CSMD1: variants seen among roughly 807,000 people sequenced by gnomAD.
CSMD1 encodes the protein CUB and Sushi multiple domains 1.
In CSMD1, 213 loss-of-function variants were observed where a neutral mutation model predicts 417.5. That is an observed-to-expected ratio of 0.51 (90% CI 0.46 to 0.57). The LOEUF is 0.57. Among genes scored for constraint, CSMD1 ranks in the 20% least tolerant of loss-of-function variants. The pLI is 0.00. For missense variants in CSMD1, 6,923 were observed against 4,529.7 expected (o/e 1.53, Z -15.17); for synonymous variants, 2,862 against 1,736.8 (o/e 1.65, Z -16.11).
At chr8:3,694,493 A>G (rs1426659616) in intron 7 of CSMD1, among the ~76,000 whole-genome samples, 3 of 152,114 alleles carry the variant, frequency 2.0e-5, no homozygotes, top group Admixed American at 2.0e-4. Context: ...CATCTGGGAA[A>G]GCATGTGCAT....
At chr8:3,181,045 T>C in intron 37 of CSMD1, 65 bp downstream of exon 37, 2 of 974,528 alleles carry the variant, frequency 2.1e-6, no homozygotes, top group East Asian at 2.5e-5. Context: ...GCATGATTTA[T>C]TTTTTCTTTA....
At chr8:3,556,392 A>T (rs11136636) in intron 10 of CSMD1, among the ~76,000 whole-genome samples, 2,433 of 119,546 alleles carry the variant, frequency 0.02, 92 homozygotes, top group Admixed American at 0.034. Flanking sequence ...TATAATAATT[A>T]ATATATATAT....
At chr8:4,586,110 G>C (rs1296632695) in intron 2 of CSMD1, among the ~76,000 whole-genome samples, 1 of 152,080 alleles carries the variant, frequency 6.6e-6, no homozygotes, top group Non-Finnish European at 1.5e-5. Context: ...ATGAGATCAG[G>C]GTAATTGGCT....
intron 1 of CSMD1, among the ~76,000 whole-genome samples, chr8:4,673,381 G>C (rs907524315): frequency 2.0e-5 from 3 of 152,074 alleles, no homozygotes; most frequent in Non-Finnish European, 4.4e-5. Context: ...CTGTCTATAG[G>C]TGACCTGCTG....
intron 37 of CSMD1, among the ~76,000 whole-genome samples, chr8:3,172,628 G>T (rs934503888): frequency 1.3e-5 from 2 of 152,168 alleles, no homozygotes; most frequent in Non-Finnish European, 2.9e-5. Flanking sequence ...GGTGGTGCAC[G>T]TAGGGAACCT....
chr8:4,168,629 A>C (rs1445983514), intron 3 of CSMD1, among the ~76,000 whole-genome samples: 1 of 152,126 alleles, frequency 6.6e-6, no homozygotes, highest in African/African-American at 2.4e-5. Flanking sequence ...TGAACATCTT[A>C]GATCATCATG....
intron 2 of CSMD1, among the ~76,000 whole-genome samples, chr8:4,505,294 T>G (rs758852345): frequency 1.3e-5 from 2 of 152,054 alleles, no homozygotes; most frequent in African/African-American, 4.8e-5. Flanking sequence ...CAGAGGAAAA[T>G]CACCAACGAG....
At chr8:3,089,391 C>T (rs1210411875) in intron 48 of CSMD1, among the ~76,000 whole-genome samples, 1 of 152,230 alleles carries the variant, frequency 6.6e-6, no homozygotes, top group Admixed American at 6.5e-5. Context: ...CTGCGCTTAG[C>T]ACAGTTTACG....
chr8:4,203,758 A>G, intron 3 of CSMD1, among the ~76,000 whole-genome samples: 1 of 152,092 alleles, frequency 6.6e-6, no homozygotes, highest in East Asian at 1.9e-4. Flanking sequence ...ACATATAGAC[A>G]TTTGCATATA....
intron 1 of CSMD1, among the ~76,000 whole-genome samples, chr8:4,823,874 T>A (rs557251641): frequency 2.0e-5 from 3 of 151,944 alleles, no homozygotes; most frequent in Non-Finnish European, 4.4e-5. Flanking sequence ...GAAGGCTTAA[T>A]ATTGAACTTT....
intron 3 of CSMD1, among the ~76,000 whole-genome samples, chr8:4,080,898 T>C (rs567463884): frequency 1.3e-3 from 200 of 152,288 alleles, no homozygotes; most frequent in Non-Finnish European, 1.5e-3. Context: ...CCCAAGGTGA[T>C]AGTATTAAGA....
At chr8:3,756,663 C>T (rs116370169) in intron 5 of CSMD1, among the ~76,000 whole-genome samples, 317 of 152,266 alleles carry the variant, frequency 2.1e-3, no homozygotes, top group African/African-American at 6.9e-3. Flanking sequence ...AAAAGATCAG[C>T]GAATGTAGGA....
intron 10 of CSMD1, among the ~76,000 whole-genome samples, chr8:3,524,197 A>G (rs542265553): frequency 4.6e-5 from 7 of 152,048 alleles, no homozygotes; most frequent in African/African-American, 1.4e-4. Context: ...TCACATATGC[A>G]CACACATGCA....
At position 4,814,957 on chromosome 8, in the gene CSMD1, G is replaced by T. The variant is rs1023239147; in HGVS notation, c.86-177399C>A. On this transcript the variant is annotated intron_variant, in intron 1 of 69. Coordinates refer to ENST00000635120, the MANE Select transcript of CSMD1 (RefSeq NM_033225.6). The stretch of plus-strand genomic sequence containing the variant: ...TTGCATTATGACTGTTTATTATAGA[G>T]ACTGATGGATCCTCATATTTCATAA... Among the ~76,000 whole-genome samples, 8 of 152,194 alleles carry T rather than the reference G, an allele frequency of 5.3e-5. No homozygotes were observed. In the Middle Eastern group the frequency reaches 0.01, roughly 194 times the overall value.
intron 3 of CSMD1, among the ~76,000 whole-genome samples, chr8:4,329,158 T>C (rs897807555): frequency 3.9e-5 from 6 of 152,210 alleles, no homozygotes; most frequent in African/African-American, 9.7e-5. Flanking sequence ...GAATGCACGG[T>C]TCTCATCAAG....
At chr8:4,162,414 G>C (rs1254014960) in intron 3 of CSMD1, among the ~76,000 whole-genome samples, 2 of 152,124 alleles carry the variant, frequency 1.3e-5, no homozygotes, top group Non-Finnish European at 2.9e-5. Context: ...TGAGGATATA[G>C]TGTAACTGAT....
intron 3 of CSMD1, among the ~76,000 whole-genome samples, chr8:4,313,805 G>C (rs903146992): frequency 2.6e-5 from 4 of 151,900 alleles, no homozygotes; most frequent in Non-Finnish European, 4.4e-5. Context: ...CAAAAGGTCA[G>C]GAGTTCGAGA....
intron 1 of CSMD1, among the ~76,000 whole-genome samples, chr8:4,885,374 A>G (rs1803671463): frequency 6.6e-6 from 1 of 152,036 alleles, no homozygotes; most frequent in Admixed American, 6.6e-5. Flanking sequence ...ACAATGTTGA[A>G]CAGAAGTACC....
chr8:3,167,291 G>GAA lies in CSMD1; in HGVS notation c.5726-5016_5726-5015dup, dbSNP rs61026104. Among the ~76,000 whole-genome samples, 130 of 102,642 alleles carry GAA rather than the reference G, an allele frequency of 1.3e-3. 1 individual carries two copies. Among genetic ancestry groups the GAA allele is most frequent in the Middle Eastern group, 5.9e-3 (1 of 170 alleles). The allele number at this position is 102,642 out of a possible 152,430, so 67.3% of individuals were successfully genotyped here. On this transcript the variant is annotated intron_variant, in intron 37 of 69. Coordinates refer to ENST00000635120, the MANE Select transcript of CSMD1 (RefSeq NM_033225.6). ...AGAGCAAGACTCCAACTTGGAAAAA[G>GAA]AAAAAAAAAAAAAAAAAAGGTGGTT...
Sources: gnomAD v4.1 joint callset for allele counts (sites outside exome capture counted in the v4.1 genomes callset) on GRCh38, gnomAD v4.1.1 for gene constraint, MANE v1.5 for transcripts, NCBI Gene and HGNC (gene_info 2026-07-23, HGNC 2026-07-21) for gene names.